Variants in SPG7 observed in about 807,000 individuals in gnomAD.
The protein encoded by SPG7 is mitochondrial inner membrane m-AAA protease component paraplegin.
Under a neutral mutation model 81.9 loss-of-function variants are expected in SPG7, and 103 were observed. The observed-to-expected ratio is 1.26, with a 90% CI of 1.07 to 1.48. SPG7 has a LOEUF of 1.48. Ranked by LOEUF, SPG7 falls within the 40% of genes most tolerant of loss-of-function variation. SPG7 has a pLI of 0.00. For synonymous variants in SPG7, 534 were observed against 444.2 expected (o/e 1.20, Z -2.54); for missense variants, 1,241 against 1,087.3 (o/e 1.14, Z -1.99).
chr16:89,553,025 T>A lies in SPG7; in HGVS notation c.1826T>A (p.Met609Lys). Reference protein sequence around the residue: ...RTNAALGFAQMLPRDQHLFTK... With the variant: ...RTNAALGFAQKLPRDQHLFTK... Reference sequence around the variant, plus strand: ...AACGCCGCCCTGGGCTTTGCTCAGATGCTCCCCAGAGACCAGCACCTCTTC... The same window carrying A: ...AACGCCGCCCTGGGCTTTGCTCAGAAGCTCCCCAGAGACCAGCACCTCTTC... Residue 609 changes from methionine (M) to lysine (K), a missense_variant, in exon 14 of 17, where the codon ATG (methionine) becomes AAG (lysine). Physicochemically the swap from Met to Lys is moderately conservative, Grantham distance 95. Transcript: ENST00000645818. 6.2e-7 allele frequency: 1 copy of A among 1,614,030 alleles called. No individual in the cohort carries two copies. Among genetic ancestry groups the A allele is most frequent in the Non-Finnish European group, 8.5e-7 (1 of 1,179,938 alleles).
At chr16:89,517,616 C>CTTTTTTTTTTTTTTTTTTT (rs11318359) in intron 3 of SPG7, 1 of 130,314 alleles carries the variant, frequency 7.7e-6, no homozygotes, top group Non-Finnish European at 1.6e-5. Flanking sequence ...TTGTCGTCGT[C>CTTTTTTTTTTTTTTTTTTT]TTTTTTTTTT....
chr16:89,552,459 C>G lies in SPG7; in HGVS notation c.1780-520C>G, dbSNP rs897408862. ...TCTCAGAAGCAGCAGCTGGGCCAGC[C>G]CCTGCCCCGTCTCCGTCCGTCTCCC... On this transcript the variant is annotated intron_variant, in intron 13 of 16. Transcript: ENST00000645818. The G allele has an allele frequency of 4.0e-5, 7 of 173,910 alleles. 1 individual carries two copies. Among genetic ancestry groups the G allele is most frequent in the African/African-American group, 1.7e-4 (7 of 41,932 alleles). 10.8% of individuals were successfully genotyped at this position (173,910 alleles called of 1,614,324 possible). A position where few individuals can be genotyped will look rare whatever the true frequency, so the allele number is the denominator to read the frequency against.
chr16:89,512,910 AAAACT>A, intron 2 of SPG7, 33 bp from the exon 3 acceptor site: 1 of 1,609,320 alleles, frequency 6.2e-7, no homozygotes, highest in East Asian at 2.2e-5. Flanking sequence ...CTGTGGTTGC[AAAACT>A]TAATTGTTAA....
intron 9 of SPG7, chr16:89,537,554 CAG>C (rs1162200489): frequency 7.1e-6 from 7 of 991,134 alleles, no homozygotes; most frequent in African/African-American, 1.7e-5. Flanking sequence ...TCTTCAGAGA[CAG>C]GGTGTCGTTC....
At chr16:89,527,743 T>G (rs557194136) in intron 5 of SPG7, among the ~76,000 whole-genome samples, 6 of 152,328 alleles carry the variant, frequency 3.9e-5, no homozygotes, top group African/African-American at 1.4e-4. Context: ...AGGTTTATTG[T>G]TGACTTGTAA....
chr16:89,532,665 T>A (rs749529549), intron 9 of SPG7, 29 bp downstream of exon 9: 1 of 1,612,000 alleles, frequency 6.2e-7, no homozygotes, highest in Non-Finnish European at 8.5e-7. Context: ...CGCACCCCCA[T>A]TGCACCATCA....
intron 4 of SPG7, among the ~76,000 whole-genome samples, chr16:89,525,265 C>T (rs564453488): frequency 2.0e-5 from 3 of 152,328 alleles, no homozygotes; most frequent in Admixed American, 1.3e-4. Flanking sequence ...CCACGCCTGG[C>T]GCTGTCTTGC....
chr16:89,550,372 C>T, intron 12 of SPG7, 122 bp from the exon 13 acceptor site: 1 of 755,154 alleles, frequency 1.3e-6, no homozygotes. Flanking sequence ...GGGGTTTCAC[C>T]ATATTGGTCG....
intron 9 of SPG7, 121 bp from the exon 10 acceptor site, chr16:89,544,527 C>A (rs1283558034): frequency 2.8e-5 from 33 of 1,193,314 alleles, no homozygotes; most frequent in Non-Finnish European, 4.0e-5. Context: ...CGGGCTGTTC[C>A]TTTCTCTCTG....
chr16:89,557,508 G>A lies in SPG7; in HGVS notation c.*415G>A, dbSNP rs747102368. 2.8e-5 allele frequency: 7 copies of A among 246,636 alleles called. No homozygotes were observed. The highest frequency in any genetic ancestry group is 5.1e-5 in the Admixed American group (1 of 19,474). The allele number at this position is 246,636 out of a possible 1,614,324, so 15.3% of individuals were successfully genotyped here. On this transcript the variant is annotated 3_prime_UTR_variant, in exon 17 of 17. Coordinates refer to ENST00000645818, the MANE Select transcript of SPG7 (RefSeq NM_003119.4). ...GCTCCCTCGGAATGCTAAGGGGATC[G>A]GACATGAAAGGACCCTGTGAGCCGA...
chr16:89,531,287 G>A lies in SPG7; in HGVS notation c.987+479G>A, dbSNP rs1013133717. On this transcript the variant is annotated intron_variant, in intron 7 of 16. Coordinates refer to ENST00000645818, the MANE Select transcript of SPG7 (RefSeq NM_003119.4). ...GCCTGTAGTCCTGGCACCTCGGGGC[G>A]CTGAGGCAGGGGAGTGACTGAGCCC... The A allele has an allele frequency of 1.8e-4, 47 of 258,644 alleles. 1 individual carries two copies. Among genetic ancestry groups the A allele is most frequent in the Admixed American group, 6.3e-4 (13 of 20,786 alleles). The allele number at this position is 258,644 out of a possible 1,614,324, so 16.0% of individuals were successfully genotyped here. A position where few individuals can be genotyped will look rare whatever the true frequency, so the allele number is the denominator to read the frequency against.
At chr16:89,516,589 G>A (rs545175554) in intron 3 of SPG7, among the ~76,000 whole-genome samples, 4 of 151,984 alleles carry the variant, frequency 2.6e-5, no homozygotes, top group Non-Finnish European at 5.9e-5. Context: ...GGCCGGGCGT[G>A]GTGGCTCATG....
intron 16 of SPG7, 84 bp from the exon 17 acceptor site, chr16:89,556,803 T>C: frequency 1.8e-6 from 2 of 1,097,298 alleles, no homozygotes. Flanking sequence ...AGACAGGCCC[T>C]CACGCCTCTT....
At chr16:89,543,567 A>T (rs2058526659) in intron 9 of SPG7, 1 of 141,504 alleles carries the variant, frequency 7.1e-6, no homozygotes. Flanking sequence ...AGAACTTCTG[A>T]CCTCAGGTGA....
intron 13 of SPG7, chr16:89,551,495 G>A (rs1280491545): frequency 1.3e-5 from 2 of 152,626 alleles, no homozygotes; most frequent in African/African-American, 4.8e-5. Flanking sequence ...CCTTGGCGAT[G>A]TGCACCACAG....
intron 16 of SPG7, chr16:89,555,832 A>G: frequency 2.5e-6 from 1 of 398,640 alleles, no homozygotes; most frequent in Non-Finnish European, 4.4e-6. Context: ...ATGGGTAGGC[A>G]GTGGATAGGT....
At chr16:89,515,712 A>T (rs191173109) in intron 3 of SPG7, among the ~76,000 whole-genome samples, 3,744 of 145,892 alleles carry the variant, frequency 0.026, 144 homozygotes, top group African/African-American at 0.088. Flanking sequence ...TATTATTATT[A>T]TTATTTTTTT....
chr16:89,516,690 C>CT (rs1329301942), intron 3 of SPG7: 2 of 150,652 alleles, frequency 1.3e-5, no homozygotes, highest in East Asian at 3.9e-4. Context: ...GAAACCCTGT[C>CT]TCTACTAAAA....
At chr16:89,540,050 G>A (rs909098278) in intron 9 of SPG7, 1 of 152,528 alleles carries the variant, frequency 6.6e-6, no homozygotes, top group African/African-American at 2.4e-5. Flanking sequence ...ACCTTTGCCG[G>A]AGCTCAGGTG....
Sources: allele counts gnomAD v4.1 joint callset (sites outside exome capture counted in the v4.1 genomes callset), GRCh38; gene constraint gnomAD v4.1.1; transcripts MANE v1.5; gene names NCBI Gene and HGNC (gene_info 2026-07-23, HGNC 2026-07-21).